COL4A2: variants seen among roughly 807,000 people sequenced by gnomAD.
The protein encoded by COL4A2 is collagen type IV alpha 2 chain, also known as collagen alpha-2(IV) chain.
COL4A2 carries 99 observed loss-of-function variants against 200.2 expected under a neutral mutation model. The observed-to-expected ratio is 0.49, with a 90% confidence interval of 0.42 to 0.58. The LOEUF is 0.58. COL4A2 is among the 20% of genes least tolerant of loss of function. COL4A2 has a pLI of 0.00. For missense variants in COL4A2, 1,950 were observed against 2,314.1 expected (o/e 0.84, Z 3.23); for synonymous variants, 897 against 900.6 (o/e 1.00, Z 0.07).
At chr13:110,428,641 C>A in intron 7 of COL4A2, 58 bp downstream of exon 7, 1 of 988,460 alleles carries the variant, frequency 1.0e-6, no homozygotes, top group Non-Finnish European at 1.4e-6. Context: ...CTAAGCCCTG[C>A]CTTTATAACC....
Position 110,469,119 on chromosome 13 carries a change from G to C in COL4A2, c.2096-98G>C, listed in dbSNP as rs754054657. ...ATTCCCCCCAGCCTCATCATTTCCC[G>C]GTTTCATGAGATCCACATTAAGTCA... is the stretch of plus-strand genomic sequence containing the variant. On this transcript the variant is annotated intron_variant, in intron 27 of 47. Transcript: ENST00000360467. The C allele has an allele frequency of 2.9e-6, 4 of 1,364,924 alleles. No individual in the cohort carries two copies. In the East Asian group the frequency reaches 1.0e-4, roughly 34 times the overall value. 84.6% of individuals were successfully genotyped at this position (1,364,924 alleles called of 1,614,324 possible). A position where few individuals can be genotyped will look rare whatever the true frequency, so the allele number is the denominator to read the frequency against.
At position 110,503,259 on chromosome 13, in the gene COL4A2, T is replaced by C; in HGVS notation, c.4016T>C (p.Val1339Ala). The change falls in exon 42 of 48, where the codon GTG (valine) becomes GCG (alanine). Residue 1339 changes from valine (V) to alanine (A), a missense_variant. Val to Ala is a moderately conservative substitution (Grantham distance 64). This residue lies in a region of COL4A2 where 1,385 missense variants were observed against 1,720.5 expected (regional missense o/e 0.80). Coordinates refer to ENST00000360467, the MANE Select transcript of COL4A2 (RefSeq NM_001846.4). ...GDSGPQGRPG[V>A]FGLPGEKGPR... ...TCCGGGCCCCAGGGCAGGCCTGGTG[T>C]GTTTGGTCTCCCAGGAGAAAAAGGT... 6.2e-7 allele frequency: 1 copy of C among 1,605,516 alleles called. No homozygotes were observed. The highest frequency in any genetic ancestry group is 8.5e-7 in the Non-Finnish European group (1 of 1,176,846).
intron 31 of COL4A2, among the ~76,000 whole-genome samples, chr13:110,480,757 C>T (rs960106091): frequency 5.3e-5 from 8 of 152,252 alleles, no homozygotes; most frequent in Non-Finnish European, 1.2e-4. Flanking sequence ...GAATTTGAAA[C>T]CAAAGCAAAG....
At chr13:110,453,464 G>A (rs956578140) in intron 20 of COL4A2, among the ~76,000 whole-genome samples, 1 of 152,076 alleles carries the variant, frequency 6.6e-6, no homozygotes, top group Non-Finnish European at 1.5e-5. Flanking sequence ...CCGCACCTTT[G>A]CACTCCAGCC....
chr13:110,437,877 C>T, intron 13 of COL4A2, 125 bp from the exon 14 acceptor site: 1 of 811,812 alleles, frequency 1.2e-6, no homozygotes, highest in Non-Finnish European at 2.1e-6. Flanking sequence ...GTGTTGTAAT[C>T]AATTTATGAT....
intron 3 of COL4A2, among the ~76,000 whole-genome samples, chr13:110,323,173 A>G (rs1391096648): frequency 1.3e-5 from 2 of 152,182 alleles, no homozygotes; most frequent in Non-Finnish European, 2.9e-5. Context: ...AGTCCATACC[A>G]CAGGGGTTGG....
At chr13:110,340,067 G>A (rs973429678) in intron 3 of COL4A2, among the ~76,000 whole-genome samples, 1 of 152,252 alleles carries the variant, frequency 6.6e-6, no homozygotes, top group Non-Finnish European at 1.5e-5. Context: ...CTGGTTCACA[G>A]AGCCTGAGAA....
At position 110,457,577 on chromosome 13, in the gene COL4A2, T is replaced by C. The variant is rs879033556; in HGVS notation, c.1432+142T>C. On this transcript the variant is annotated intron_variant, in intron 21 of 47. Transcript: ENST00000360467. ...TGTCTCTCCCAGCCTCCTGTCCCCT[T>C]GGCGGTGGCACTGAGAGGGAGGCGC... The C allele has an allele frequency of 4.2e-6, 3 of 707,348 alleles. No individual in the cohort carries two copies. In the South Asian group the frequency reaches 4.5e-5, roughly 11 times the overall value. 43.8% of individuals were successfully genotyped at this position (707,348 alleles called of 1,614,324 possible). A position where few individuals can be genotyped will look rare whatever the true frequency, so the allele number is the denominator to read the frequency against.
At chr13:110,442,122 T>G in intron 16 of COL4A2, among the ~76,000 whole-genome samples, 2 of 140,860 alleles carry the variant, frequency 1.4e-5, no homozygotes, top group Non-Finnish European at 3.0e-5. Context: ...AAAAGGGCAG[T>G]TCCACAGAGC....
chr13:110,411,574 G>A (rs1329111087), intron 4 of COL4A2, among the ~76,000 whole-genome samples: 1 of 152,202 alleles, frequency 6.6e-6, no homozygotes, highest in Non-Finnish European at 1.5e-5. Context: ...CTACATTTGA[G>A]CAGGGTAGGG....
At chr13:110,379,156 CTT>C (rs1484397754) in intron 4 of COL4A2, among the ~76,000 whole-genome samples, 1 of 152,210 alleles carries the variant, frequency 6.6e-6, no homozygotes, top group East Asian at 1.9e-4. Flanking sequence ...TCTGAAGGCA[CTT>C]TTGGTTGTCA....
At chr13:110,468,344 C>T (rs1882333466) in intron 27 of COL4A2, 1 of 471,220 alleles carries the variant, frequency 2.1e-6, no homozygotes, top group Non-Finnish European at 4.4e-6. Context: ...TGGATTTCAA[C>T]ACCGTCACTC....
At chr13:110,432,461 A>G in intron 11 of COL4A2, 101 bp downstream of exon 11, 1 of 1,370,702 alleles carries the variant, frequency 7.3e-7, no homozygotes, top group East Asian at 2.6e-5. Context: ...GCAACTATTT[A>G]TTGTTTATAT....
chr13:110,338,854 C>T lies in COL4A2; in HGVS notation c.100-18618C>T, dbSNP rs537114959. ...GCTGCCCTGAGCCGGGAGGTCACAA[C>T]GCTTGTGGAGTAAGGAGCTCGGGTT... On this transcript the variant is annotated intron_variant, in intron 3 of 47. Coordinates refer to ENST00000360467, the MANE Select transcript of COL4A2 (RefSeq NM_001846.4). Among the ~76,000 whole-genome samples the T allele has an allele frequency of 1.4e-4, 22 of 152,360 alleles. 1 individual carries two copies. The South Asian group carries it at 4.6e-3, about 32-fold the overall frequency.
intron 22 of COL4A2, 157 bp from the exon 23 acceptor site, chr13:110,461,957 C>G (rs768334914): frequency 2.9e-6 from 3 of 1,044,266 alleles, no homozygotes; most frequent in Non-Finnish European, 4.2e-6. Flanking sequence ...TGGATGGGGG[C>G]GTATCCAGCA....
At chr13:110,444,332 C>G (rs962239958) in intron 16 of COL4A2, among the ~76,000 whole-genome samples, 1 of 152,212 alleles carries the variant, frequency 6.6e-6, no homozygotes, top group Non-Finnish European at 1.5e-5. Context: ...CCAGGGCACC[C>G]TCTGAGCTGG....
chr13:110,327,992 G>C (rs1425692987), intron 3 of COL4A2, among the ~76,000 whole-genome samples: 2 of 152,186 alleles, frequency 1.3e-5, no homozygotes, highest in Non-Finnish European at 2.9e-5. Context: ...ATGATGAAGT[G>C]ATGTATAGAA....
chr13:110,330,072 G>A (rs4447275), intron 3 of COL4A2, among the ~76,000 whole-genome samples: 71,651 of 152,044 alleles, frequency 0.47, 18,949 homozygotes, highest in Non-Finnish European at 0.58. Flanking sequence ...AAATTTGGAA[G>A]CACTGTGACA....
intron 4 of COL4A2, among the ~76,000 whole-genome samples, chr13:110,384,570 T>G (rs1878609645): frequency 6.6e-6 from 1 of 152,222 alleles, no homozygotes; most frequent in Non-Finnish European, 1.5e-5. Flanking sequence ...TTCCCTGGAC[T>G]TGCTATGTCC....
Sources: allele counts gnomAD v4.1 joint callset (sites outside exome capture counted in the v4.1 genomes callset), GRCh38; gene constraint gnomAD v4.1.1; regional missense constraint gnomAD v4.1.1; transcripts MANE v1.5; gene names NCBI Gene and HGNC (gene_info 2026-07-23, HGNC 2026-07-21).